Variants in MYO1H observed in about 807,000 individuals in gnomAD.
MYO1H encodes myosin IH, also known as unconventional myosin-Ih.
A neutral mutation model predicts 149.3 loss-of-function variants in MYO1H; 118 were observed. That is an observed-to-expected ratio of 0.79 (90% CI 0.68 to 0.92). The LOEUF is 0.92. Among genes scored for constraint, MYO1H ranks in the 40% least tolerant of loss-of-function variants. The probability of loss-of-function intolerance (pLI) is 0.00; values close to 1 mark genes in which losing one functional copy is unlikely to be tolerated. For missense variants in MYO1H, 1,212 were observed against 1,280.7 expected (o/e 0.95, Z 0.82); for synonymous variants, 447 against 465.2 (o/e 0.96, Z 0.50).
In MYO1H at chr12:109,393,323, T is replaced by C; in HGVS notation, c.175-8T>C. On this transcript the variant is annotated splice_polypyrimidine_tract_variant and splice_region_variant and intron_variant, in intron 2 of 31. Coordinates refer to ENST00000310903, the Ensembl canonical transcript of MYO1H. ...ATTCCTCACTTGTGCTTTGGTCCAT[T>C]TCTCTAGACATATATTGGCACCCTC... 1 of 1,547,050 alleles carries C rather than the reference T, an allele frequency of 6.5e-7. No individual in the cohort carries two copies. Among genetic ancestry groups the C allele is most frequent in the Middle Eastern group, 1.7e-4 (1 of 5,972 alleles).
intron 1 of MYO1H, among the ~76,000 whole-genome samples, chr12:109,370,655 T>C (rs1592782024): frequency 6.6e-6 from 1 of 152,246 alleles, no homozygotes; most frequent in African/African-American, 2.4e-5. Flanking sequence ...TACATTTGGG[T>C]AAATCAATGT....
chr12:109,425,857 C>A, intron 17 of MYO1H, 89 bp from the exon 18 acceptor site: 1 of 934,062 alleles, frequency 1.1e-6, no homozygotes, highest in South Asian at 1.4e-5. Context: ...AGGGCTGACA[C>A]CTTGAGCCCT....
the MYO1H span, among the ~76,000 whole-genome samples, chr12:109,331,300 A>G: frequency 6.6e-6 from 1 of 152,214 alleles, no homozygotes. Context: ...GCAGCAACAC[A>G]TTCTGTTTTT....
intron 1 of MYO1H, among the ~76,000 whole-genome samples, chr12:109,348,226 G>A (rs560017278): frequency 6.6e-6 from 1 of 152,320 alleles, no homozygotes; most frequent in African/African-American, 2.4e-5. Flanking sequence ...TTTCACATTG[G>A]TCTAGAACAG....
intron 14 of MYO1H, among the ~76,000 whole-genome samples, chr12:109,413,791 T>C (rs1870778310): frequency 6.6e-6 from 1 of 152,102 alleles, no homozygotes; most frequent in South Asian, 2.1e-4. Flanking sequence ...ACGCCTGTAG[T>C]TCCAGCTACT....
chr12:109,446,463 C>T, intron 31 of MYO1H: 1 of 985,344 alleles, frequency 1.0e-6, no homozygotes, highest in South Asian at 4.7e-5. Context: ...AGTGGATTTA[C>T]CTATAAAGTC....
At chr12:109,444,240 G>C (rs754702881) in exon 29 of MYO1H, 3 of 1,613,756 alleles carry the variant, frequency 1.9e-6, no homozygotes, top group Non-Finnish European at 2.5e-6. Flanking sequence ...CTGAGTGATG[G>C]AATCTTAGTC....
At chr12:109,388,407 G>T (rs1439852293) in intron 1 of MYO1H, among the ~76,000 whole-genome samples, 1 of 152,204 alleles carries the variant, frequency 6.6e-6, no homozygotes, top group African/African-American at 2.4e-5. Flanking sequence ...GTATTTCATA[G>T]GGTCAGAATG....
the MYO1H span, among the ~76,000 whole-genome samples, chr12:109,321,340 A>C: frequency 6.6e-6 from 1 of 152,170 alleles, no homozygotes; most frequent in African/African-American, 2.4e-5. Flanking sequence ...ACTTGAGGTC[A>C]GGAGTTCGAG....
intron 14 of MYO1H, among the ~76,000 whole-genome samples, chr12:109,413,295 C>T (rs769951943): frequency 6.6e-6 from 1 of 152,048 alleles, no homozygotes; most frequent in African/African-American, 2.4e-5. Flanking sequence ...ATGAATGCTC[C>T]TGCATTTGTG....
At chr12:109,426,396 C>T (rs1447136742) in intron 18 of MYO1H, among the ~76,000 whole-genome samples, 1 of 152,108 alleles carries the variant, frequency 6.6e-6, no homozygotes, top group Non-Finnish European at 1.5e-5. Context: ...TGTGGTGGAA[C>T]ATGTCTGTAG....
At chr12:109,310,591 G>T in the MYO1H span, among the ~76,000 whole-genome samples, 2 of 151,658 alleles carry the variant, frequency 1.3e-5, no homozygotes, top group Admixed American at 1.3e-4. Context: ...CAGGGGACCA[G>T]TGTCCCCGCA....
chr12:109,315,767 A>G, the MYO1H span, among the ~76,000 whole-genome samples: 2 of 152,234 alleles, frequency 1.3e-5, no homozygotes, highest in Non-Finnish European at 2.9e-5. Context: ...TTTTCTTGGA[A>G]CATGTCTTTC....
the MYO1H span, among the ~76,000 whole-genome samples, chr12:109,327,116 C>CTTTTTATTTTTTTTTTTT: frequency 7.9e-6 from 1 of 126,214 alleles, no homozygotes; most frequent in African/African-American, 3.1e-5. Context: ...TTTTTCTTTT[C>CTTTTTATTTTTTTTTTTT]TTTTTCTTTT....
At chr12:109,347,103 AG>A (rs2136989985), upstream of MYO1H, among the ~76,000 whole-genome samples, 1 of 152,298 alleles carries the variant, frequency 6.6e-6, no homozygotes, top group Non-Finnish European at 1.5e-5. Flanking sequence ...TCCATCCAAC[AG>A]GGGGTGCTGT....
Position 109,384,551 on chromosome 12 carries a change from C to CA in MYO1H, c.13-4131dup, listed in dbSNP as rs373688673. On this transcript the variant is annotated intron_variant, in intron 1 of 31. Transcript: ENST00000310903. ...ATGGTCCATGTCACTCTTATTGGGA[C>CA]ACTCTCGTTTTCTCACGCCCTTTAA... is the stretch of plus-strand genomic sequence containing the variant. Among the ~76,000 whole-genome samples, 1,444 of 152,230 alleles carry CA rather than the reference C, an allele frequency of 9.5e-3. 19 individuals are homozygous for CA. Among genetic ancestry groups the CA allele is most frequent in the African/African-American group, 0.033 (1,355 of 41,522 alleles).
chr12:109,366,869 A>T (rs1868876145), intron 1 of MYO1H, among the ~76,000 whole-genome samples: 1 of 152,222 alleles, frequency 6.6e-6, no homozygotes, highest in Non-Finnish European at 1.5e-5. Context: ...AAAATGCAAA[A>T]TGCCCGCAAA....
At position 109,441,697 on chromosome 12, in the gene MYO1H, AC is replaced by A. The variant is rs1370564066; in HGVS notation, c.2622del (p.Asn874LysfsTer4). 1 of 1,610,500 alleles carries A rather than the reference AC, an allele frequency of 6.2e-7. No individual in the cohort carries two copies. Among genetic ancestry groups the A allele is most frequent in the South Asian group, 1.1e-5 (1 of 90,718 alleles). ...GAAAGTTTAAATCAACCCTTTGTCA[AC>A]AGTCGGATAGGTAAGTACATTTTCC... On this transcript the variant is annotated frameshift_variant, in exon 26 of 32. Transcript: ENST00000310903. LOFTEE classifies it high-confidence loss of function.
upstream of MYO1H, among the ~76,000 whole-genome samples, chr12:109,345,257 C>T (rs1235523618): frequency 1.3e-5 from 2 of 152,042 alleles, no homozygotes; most frequent in Non-Finnish European, 2.9e-5. Flanking sequence ...TACAACTCAA[C>T]AACAAAAAGA....
Sources: gnomAD v4.1 joint callset for allele counts (sites outside exome capture counted in the v4.1 genomes callset) on GRCh38, gnomAD v4.1.1 for gene constraint, MANE v1.5 for transcripts, NCBI Gene and HGNC (gene_info 2026-07-23, HGNC 2026-07-21) for gene names.